DCLK1: variants seen among roughly 807,000 people sequenced by gnomAD.
The protein encoded by DCLK1 is serine/threonine-protein kinase DCLK1.
A neutral mutation model predicts 86.2 loss-of-function variants in DCLK1; 16 were observed. The observed-to-expected ratio is 0.19, with a 90% confidence interval of 0.13 to 0.28. The LOEUF (loss-of-function observed/expected upper bound fraction) is 0.28. Ranked by LOEUF, DCLK1 falls within the 10% of genes least tolerant of loss-of-function variation. DCLK1 has a pLI of 1.00. For missense variants in DCLK1, 590 were observed against 940.2 expected, an observed-to-expected ratio of 0.63 and a Z score of 4.87; for synonymous variants, 369 against 370.5, an observed-to-expected ratio of 1.00 and a Z score of 0.05.
intron 3 of DCLK1, among the ~76,000 whole-genome samples, chr13:36,037,396 A>T (rs148689674): frequency 6.6e-6 from 1 of 152,160 alleles, no homozygotes; most frequent in African/African-American, 2.4e-5. Flanking sequence ...GAATTTTTCT[A>T]ATGTTCCTAG....
intron 8 of DCLK1, among the ~76,000 whole-genome samples, chr13:35,829,015 T>G (rs946304964): frequency 6.2e-4 from 95 of 152,066 alleles, no homozygotes; most frequent in African/African-American, 2.2e-3. Flanking sequence ...CAGAGCTCCC[T>G]GGGGACCCCT....
intron 4 of DCLK1, among the ~76,000 whole-genome samples, chr13:35,894,572 A>G (rs896450348): frequency 8.5e-5 from 13 of 152,282 alleles, no homozygotes; most frequent in African/African-American, 3.1e-4. Flanking sequence ...GAGTGTCCTC[A>G]AGAAAAAGAG....
At chr13:36,119,762 G>A (rs1885917247) in intron 2 of DCLK1, among the ~76,000 whole-genome samples, 1 of 152,160 alleles carries the variant, frequency 6.6e-6, no homozygotes, top group African/African-American at 2.4e-5. Context: ...TAGCTTCAAG[G>A]AGAAGCAGAC....
At chr13:36,127,298 A>G (rs549050174) in intron 1 of DCLK1, among the ~76,000 whole-genome samples, 1 of 152,356 alleles carries the variant, frequency 6.6e-6, no homozygotes, top group South Asian at 2.1e-4. Context: ...TAAAAAAAGA[A>G]GAAAAAGGAA....
intron 3 of DCLK1, among the ~76,000 whole-genome samples, chr13:35,957,981 T>A (rs1375975656): frequency 6.7e-6 from 1 of 150,216 alleles, no homozygotes; most frequent in Non-Finnish European, 1.5e-5. Context: ...ATCACTGCTA[T>A]AACCACCACC....
At chr13:35,976,592 G>C (rs1032365722) in intron 3 of DCLK1, among the ~76,000 whole-genome samples, 3 of 143,510 alleles carry the variant, frequency 2.1e-5, no homozygotes, top group Non-Finnish European at 3.0e-5. Flanking sequence ...GTGCAGTGGC[G>C]GGATCTCGGC....
At chr13:35,832,917 C>T (rs770419206) in intron 8 of DCLK1, among the ~76,000 whole-genome samples, 5 of 152,194 alleles carry the variant, frequency 3.3e-5, no homozygotes, top group Non-Finnish European at 7.3e-5. Flanking sequence ...CAGCACAAGG[C>T]ATCCTCCAAA....
At chr13:35,951,439 C>T (rs993119141) in intron 3 of DCLK1, among the ~76,000 whole-genome samples, 27 of 149,692 alleles carry the variant, frequency 1.8e-4, no homozygotes, top group African/African-American at 6.4e-4. Flanking sequence ...TTTTTTCTAT[C>T]TAGTATCCTT....
Position 35,838,097 on chromosome 13 carries a change from A to G in DCLK1, c.1120+995T>C, listed in dbSNP as rs188761199. On this transcript the variant is annotated intron_variant, in intron 7 of 16. Transcript: ENST00000360631. ...AAAAAGAAAAGAAAAGAAAAGAAAA[A>G]AAAGGCTTAGCCAAAGGCTTAAATC... 5.2e-4 allele frequency among the ~76,000 whole-genome samples: 78 copies of G among 149,876 alleles called. 1 individual carries two copies. The highest frequency in any genetic ancestry group is 1.6e-3 in the African/African-American group (63 of 40,416).
intron 14 of DCLK1, among the ~76,000 whole-genome samples, chr13:35,807,293 C>T (rs2087046065): frequency 6.6e-6 from 1 of 152,194 alleles, no homozygotes; most frequent in South Asian, 2.1e-4. Flanking sequence ...ACATTCAGTG[C>T]ATTCACATTG....
At chr13:35,985,528 C>T (rs1038759550) in intron 3 of DCLK1, among the ~76,000 whole-genome samples, 7 of 152,134 alleles carry the variant, frequency 4.6e-5, no homozygotes, top group Non-Finnish European at 4.4e-5. Flanking sequence ...AGGCAGGCTG[C>T]GGAGTCTGTT....
intron 8 of DCLK1, among the ~76,000 whole-genome samples, chr13:35,835,826 T>C (rs1238701172): frequency 6.6e-6 from 1 of 152,184 alleles, no homozygotes; most frequent in African/African-American, 2.4e-5. Flanking sequence ...ATCAAAGTCT[T>C]TAATTTATAG....
At chr13:35,956,288 T>G (rs1877970944) in intron 3 of DCLK1, among the ~76,000 whole-genome samples, 1 of 152,170 alleles carries the variant, frequency 6.6e-6, no homozygotes. Flanking sequence ...CTGATTGAAC[T>G]CATTATTTTC....
At chr13:35,821,290 G>A (rs921557204) in intron 11 of DCLK1, among the ~76,000 whole-genome samples, 6 of 152,270 alleles carry the variant, frequency 3.9e-5, no homozygotes, top group South Asian at 4.1e-4. Context: ...CCATCATGGC[G>A]GATCTTACTA....
chr13:35,921,151 C>A (rs556728310), intron 4 of DCLK1, among the ~76,000 whole-genome samples: 6 of 152,202 alleles, frequency 3.9e-5, no homozygotes, highest in Non-Finnish European at 8.8e-5. Flanking sequence ...GCTGGGACCA[C>A]ATCCTATTAT....
At chr13:35,995,468 T>C (rs1880428182) in intron 3 of DCLK1, among the ~76,000 whole-genome samples, 1 of 152,236 alleles carries the variant, frequency 6.6e-6, no homozygotes, top group African/African-American at 2.4e-5. Flanking sequence ...GGTAGTTTTA[T>C]TAGCAAAACC....
In DCLK1 at chr13:35,828,358, T is replaced by A. The variant is rs780407426; in HGVS notation, c.1230-51A>T. On this transcript the variant is annotated intron_variant, in intron 8 of 16. Coordinates refer to ENST00000360631, the MANE Select transcript of DCLK1 (RefSeq NM_001330071.2). ...AAAATGAAACTTAACTTCAAATCTATTGAATTATTTTGTCAGGGATCAATT... is the reference window on the plus strand; with the variant it reads ...AAAATGAAACTTAACTTCAAATCTAATGAATTATTTTGTCAGGGATCAATT... 4.8e-6 allele frequency: 7 copies of A among 1,455,616 alleles called. No individual in the cohort carries two copies. In the Admixed American group the frequency reaches 1.3e-4, roughly 27 times the overall value. 90.2% of individuals were successfully genotyped at this position (1,455,616 alleles called of 1,614,324 possible).
At chr13:35,985,992 G>A (rs1293292880) in intron 3 of DCLK1, among the ~76,000 whole-genome samples, 1 of 152,052 alleles carries the variant, frequency 6.6e-6, no homozygotes, top group Non-Finnish European at 1.5e-5. Flanking sequence ...GAGTTCGTGA[G>A]GTGCAGTCCT....
At chr13:35,874,867 G>C (rs77341651) in intron 4 of DCLK1, among the ~76,000 whole-genome samples, 2,783 of 152,298 alleles carry the variant, frequency 0.018, 85 homozygotes, top group African/African-American at 0.064. Flanking sequence ...GTTTGTCCTA[G>C]CTTTGGCCTC....
Sources: allele counts gnomAD v4.1 joint callset (sites outside exome capture counted in the v4.1 genomes callset), GRCh38; gene constraint gnomAD v4.1.1; transcripts MANE v1.5; gene names NCBI Gene and HGNC (gene_info 2026-07-23, HGNC 2026-07-21).